The following KCTD1 variants were observed in gnomAD, a reference collection of about 807,000 sequenced individuals.
KCTD1 encodes the protein BTB/POZ domain-containing protein KCTD1.
In KCTD1, 24 loss-of-function variants were observed where a neutral mutation model predicts 66.0. That is an observed-to-expected ratio of 0.36 (90% CI 0.26 to 0.51). The LOEUF (loss-of-function observed/expected upper bound fraction) is 0.51, where lower values mean the gene tolerates loss of function less well. Ranked by LOEUF, KCTD1 falls within the 20% of genes least tolerant of loss-of-function variation. The pLI is 0.95. For synonymous variants in KCTD1, 511 were observed against 517.2 expected (o/e 0.99, Z 0.16); for missense variants, 943 against 1,205.2 (o/e 0.78, Z 3.22).
chr18:26,572,294 A>G (rs184559594), intron 1 of KCTD1, among the ~76,000 whole-genome samples: 2 of 152,280 alleles, frequency 1.3e-5, no homozygotes, highest in African/African-American at 4.8e-5. Flanking sequence ...TCCTGACCTC[A>G]TGATCCACCT....
intron 1 of KCTD1, among the ~76,000 whole-genome samples, chr18:26,560,181 T>C (rs1294693589): frequency 6.6e-6 from 1 of 151,998 alleles, no homozygotes; most frequent in Admixed American, 6.6e-5. Flanking sequence ...ATGTGGCAAT[T>C]TTTTTAAAGT....
chr18:26,457,775 C>T (rs1255914725), intron 4 of KCTD1: 1 of 152,246 alleles, frequency 6.6e-6, no homozygotes, highest in Non-Finnish European at 1.5e-5. Flanking sequence ...ATCCCAGAGT[C>T]TCTGCGTGCC....
chr18:26,656,650 C>T (rs1988151328), intron 1 of KCTD1, among the ~76,000 whole-genome samples: 1 of 151,094 alleles, frequency 6.6e-6, no homozygotes, highest in Non-Finnish European at 1.5e-5. Context: ...TCCGCTCGGC[C>T]GCCACAATGG....
chr18:26,527,696 A>C (rs1298311804), intron 1 of KCTD1, among the ~76,000 whole-genome samples: 1 of 152,184 alleles, frequency 6.6e-6, no homozygotes, highest in African/African-American at 2.4e-5. Context: ...CAATTGCAGC[A>C]AATGTACCAC....
chr18:26,558,727 TC>T (rs1273517896), intron 1 of KCTD1, among the ~76,000 whole-genome samples: 1 of 151,972 alleles, frequency 6.6e-6, no homozygotes, highest in Non-Finnish European at 1.5e-5. Context: ...ATCGAGACCA[TC>T]CTGGCCAACA....
intron 3 of KCTD1, among the ~76,000 whole-genome samples, chr18:26,462,312 G>GA (rs1980476927): frequency 6.6e-6 from 1 of 152,264 alleles, no homozygotes; most frequent in Non-Finnish European, 1.5e-5. Flanking sequence ...GCGCTCCTAT[G>GA]AAGGTCATCT....
chr18:26,625,381 G>T (rs1460971768), intron 1 of KCTD1, among the ~76,000 whole-genome samples: 2 of 152,144 alleles, frequency 1.3e-5, no homozygotes, highest in East Asian at 3.9e-4. Flanking sequence ...GAGGGACCCA[G>T]TGGGAGATAA....
chr18:26,562,426 TG>T (rs1310485475), intron 1 of KCTD1, among the ~76,000 whole-genome samples: 1 of 1,760 alleles, frequency 5.7e-4, no homozygotes, highest in Non-Finnish European at 1.2e-3. Context: ...TGAAGCCCGG[TG>T]GGGGGTGGGG....
At chr18:26,543,964 C>T (rs930876924) in intron 1 of KCTD1, 1 of 152,128 alleles carries the variant, frequency 6.6e-6, no homozygotes, top group African/African-American at 2.4e-5. Flanking sequence ...AAGTACTGTT[C>T]TCTGAGGTAG....
intron 1 of KCTD1, among the ~76,000 whole-genome samples, chr18:26,597,553 A>T (rs1355197983): frequency 6.6e-6 from 1 of 152,152 alleles, no homozygotes; most frequent in Non-Finnish European, 1.5e-5. Flanking sequence ...AAAGGTGTTA[A>T]TAACTATGTG....
chr18:26,561,595 T>A (rs1985850976), intron 1 of KCTD1, among the ~76,000 whole-genome samples: 1 of 152,184 alleles, frequency 6.6e-6, no homozygotes, highest in African/African-American at 2.4e-5. Flanking sequence ...TCTATTACAG[T>A]GCCTGACATA....
Position 26,546,190 on chromosome 18 carries a change from AACTGCCTGGCTCTCC to A in KCTD1, c.1809+523_1809+537del, listed in dbSNP as rs1035911744. Among the ~76,000 whole-genome samples the A allele has an allele frequency of 2.0e-5, 3 of 150,288 alleles. No homozygotes were observed. The Admixed American group carries it at 2.0e-4, about 10-fold the overall frequency. On this transcript the variant is annotated intron_variant, in intron 1 of 4. Coordinates refer to ENST00000580059, the MANE Select transcript of KCTD1 (RefSeq NM_001142730.3). ...CATGTTACAGTATAAACTGGCACTC[AACTGCCTGGCTCTCC>A]ACTCTCCACCCCTTTTCTTTAAAAA...
intron 1 of KCTD1, among the ~76,000 whole-genome samples, chr18:26,635,984 T>C (rs1598978191): frequency 6.6e-6 from 1 of 152,090 alleles, no homozygotes; most frequent in Non-Finnish European, 1.5e-5. Flanking sequence ...ACCAGGGAAC[T>C]GCAGGAGGGT....
chr18:26,599,506 G>A (rs1402350413), intron 1 of KCTD1: 30 of 1,594,766 alleles, frequency 1.9e-5, no homozygotes, highest in Non-Finnish European at 2.6e-5. Flanking sequence ...GAGCTTCAAG[G>A]TTAACTGGCA....
chr18:26,474,066 T>C (rs1166860770), intron 3 of KCTD1, among the ~76,000 whole-genome samples: 1 of 152,222 alleles, frequency 6.6e-6, no homozygotes, highest in Non-Finnish European at 1.5e-5. Flanking sequence ...TTTCTATGCA[T>C]TTATATATGC....
chr18:26,517,621 C>T (rs1212472720), intron 1 of KCTD1, among the ~76,000 whole-genome samples: 2 of 144,386 alleles, frequency 1.4e-5, no homozygotes, highest in African/African-American at 5.2e-5. Context: ...CGTGCCATTG[C>T]ACTCCAGCCT....
upstream of KCTD1, among the ~76,000 whole-genome samples, chr18:26,631,922 C>A (rs951257993): frequency 1.1e-4 from 17 of 150,934 alleles, no homozygotes; most frequent in Non-Finnish European, 2.1e-4. Flanking sequence ...TGGTGGCGGG[C>A]GCCTGTAGTC....
At chr18:26,514,374 G>A (rs1278129533) in intron 1 of KCTD1, among the ~76,000 whole-genome samples, 1 of 152,022 alleles carries the variant, frequency 6.6e-6, no homozygotes, top group Non-Finnish European at 1.5e-5. Context: ...GCAACACAGT[G>A]AGACCCTGTC....
upstream of KCTD1, among the ~76,000 whole-genome samples, chr18:26,550,237 G>C (rs1985501749): frequency 6.6e-6 from 1 of 152,206 alleles, no homozygotes; most frequent in Non-Finnish European, 1.5e-5. This position sits in a 1 kb window ranked among gnomAD's most constrained non-coding sequence, Gnocchi z 5.4. Flanking sequence ...GGCTGTGAGA[G>C]TTATGTCAAC....
Sources: gnomAD v4.1 joint callset for allele counts (sites outside exome capture counted in the v4.1 genomes callset) on GRCh38, gnomAD v4.1.1 for gene constraint, Gnocchi (gnomAD v3.1) non-coding constraint, MANE v1.5 for transcripts, NCBI Gene and HGNC (gene_info 2026-07-23, HGNC 2026-07-21) for gene names.